Variants in MUC5B observed in about 807,000 individuals in gnomAD.
MUC5B encodes the protein mucin 5B, oligomeric mucus/gel-forming.
Under a neutral mutation model 376.9 loss-of-function variants are expected in MUC5B, and 116 were observed. That is an observed-to-expected ratio of 0.31 (90% CI 0.26 to 0.36). The LOEUF is 0.36. Ranked by LOEUF, MUC5B falls within the 10% of genes least tolerant of loss-of-function variation. The pLI, the probability that MUC5B is intolerant of heterozygous loss-of-function variation, is 1.00. For synonymous variants in MUC5B, 3,517 were observed against 3,390.9 expected (o/e 1.04, Z -1.29); for missense variants, 7,165 against 7,769.9 (o/e 0.92, Z 2.93).
chr11:1,235,151 G>C lies in MUC5B; in HGVS notation c.2697G>C (p.Gly899=). 1.2e-6 allele frequency: 2 copies of C among 1,613,020 alleles called. No individual in the cohort carries two copies. The highest frequency in any genetic ancestry group is 1.7e-6 in the Non-Finnish European group (2 of 1,179,726). Residue 899 remains glycine (G), a synonymous_variant, in exon 22 of 49, where the codon GGG becomes GGC. Coordinates refer to ENST00000529681, the MANE Select transcript of MUC5B (RefSeq NM_002458.3). The part of the protein sequence containing the change: ...RLCLGTCVAY[G]DGHFITFDGD... ...GCCTGGGCACCTGCGTGGCCTACGG[G>C]GATGGCCACTTCATCACCTTTGATG...
chr11:1,225,710 G>A lies in MUC5B; in HGVS notation c.100G>A (p.Glu34Lys). The A allele has an allele frequency of 6.2e-7, 1 of 1,606,912 alleles. No individual in the cohort carries two copies. The highest frequency in any genetic ancestry group is 8.5e-7 in the Non-Finnish European group (1 of 1,177,322). The change falls in exon 2 of 49, where the codon GAG becomes AAG. Residue 34 changes from glutamate (E) to lysine (K), a missense_variant. Transcript: ENST00000529681. ...CCAGGGCCCTGTGGAGCCGAGCTGG[G>A]AGAATGCAGGGCACACCATGGATGG... ...ETQGPVEPSW[E>K]NAGHTMDGGA...
rs545880372 is a variant in MUC5B at position 1,251,279 on chromosome 11, C to A, written c.14399C>A (p.Thr4800Lys). The A allele has an allele frequency of 1.2e-6, 2 of 1,611,530 alleles. No individual in the cohort carries two copies. The highest frequency in any genetic ancestry group is 1.7e-5 in the Admixed American group (1 of 59,986). Residue 4800 changes from threonine (T) to lysine (K), a missense_variant, in exon 31 of 49, where the codon ACA (threonine) becomes AAA (lysine). Physicochemically the swap from Thr to Lys is moderately conservative, Grantham distance 78. This residue lies in a region of MUC5B where 730 missense variants were observed against 592.7 expected (regional missense o/e 1.23). Transcript: ENST00000529681. Reference sequence around the variant, plus strand: ...GTGCTGACCACCACAGCCACCATGACAAGGGCCACCAATTCCACGGCCACA... The same window carrying A: ...GTGCTGACCACCACAGCCACCATGAAAAGGGCCACCAATTCCACGGCCACA... ...STVLTTTATM[T>K]RATNSTATPS...
In MUC5B at chr11:1,234,889, G is replaced by A. The variant is rs1862120894; in HGVS notation, c.2631-196G>A. Among the ~76,000 whole-genome samples, 1 of 152,134 alleles carries A rather than the reference G, an allele frequency of 6.6e-6. No homozygotes were observed. Among genetic ancestry groups the A allele is most frequent in the Admixed American group, 6.5e-5 (1 of 15,284 alleles). On this transcript the variant is annotated intron_variant, in intron 21 of 48. Transcript: ENST00000529681. This position sits in a 1 kb window ranked among gnomAD's most constrained non-coding sequence, Gnocchi z 6.3. The stretch of plus-strand genomic sequence containing the variant: ...CTCTGGAAGGTGGCCCAGGGGCCGT[G>A]GTGCTACCAGGAGCCTGGTGGGGCT...
chr11:1,231,635 G>T, intron 14 of MUC5B, 75 bp downstream of exon 14: 1 of 1,482,226 alleles, frequency 6.7e-7, no homozygotes, highest in South Asian at 1.3e-5. Context: ...CTGCAGGGAG[G>T]GGCAGGCAGA....
chr11:1,239,504 C>A lies in MUC5B; in HGVS notation c.3521C>A (p.Pro1174His). The change falls in exon 27 of 49, where the codon CCC (proline) becomes CAC (histidine). Residue 1174 changes from proline to histidine, a missense_variant. Pro to His is a moderately conservative substitution (Grantham distance 77). Around this residue, in one of 31 missense-constraint regions of MUC5B, gnomAD observed 517 missense variants for 545.3 expected, o/e 0.95. Transcript: ENST00000529681. ...TGGCACTACCAGCCCTGCGGGGCAC[C>A]CTGCCTAAAAACCTGCCGGAACCCC... ...CEWHYQPCGA[P>H]CLKTCRNPSG... is the part of the protein sequence containing the mutation. The A allele has an allele frequency of 6.2e-7, 1 of 1,605,386 alleles. No homozygotes were observed. The highest frequency in any genetic ancestry group is 1.1e-5 in the South Asian group (1 of 90,442).
Position 1,237,039 on chromosome 11 carries a change from T to C in MUC5B, c.3172T>C (p.Ser1058Pro). The change falls in exon 25 of 49, where the codon TCC becomes CCC. Residue 1058 changes from serine (S) to proline (P), a missense_variant. Physicochemically the swap from Ser to Pro is moderately conservative, Grantham distance 74. Coordinates refer to ENST00000529681, the MANE Select transcript of MUC5B (RefSeq NM_002458.3). ...GGAGTTTGGGAACAGCTGGAAGCTC[T>C]CCCCCTCCTGCCCGGACGCCCTGGC... The part of the protein sequence containing the change: ...ALEFGNSWKL[S>P]PSCPDALAPK... 1.9e-6 allele frequency: 3 copies of C among 1,575,570 alleles called. No individual in the cohort carries two copies. The highest frequency in any genetic ancestry group is 1.4e-5 in the African/African-American group (1 of 73,570).
intron 32 of MUC5B, 118 bp from the exon 33 acceptor site, chr11:1,252,691 G>A (rs995804079): frequency 3.2e-5 from 46 of 1,415,666 alleles, no homozygotes; most frequent in East Asian, 1.2e-4. Flanking sequence ...CATGGGGGCC[G>A]CCCTCCTCAG....
chr11:1,260,236 C>T, intron 46 of MUC5B, 115 bp from the exon 47 acceptor site: 2 of 1,335,672 alleles, frequency 1.5e-6, no homozygotes, highest in Non-Finnish European at 2.1e-6. Context: ...GCCTGGGAGG[C>T]CCCGCCCCTG....
At chr11:1,260,327 C>A (rs768903752) in intron 46 of MUC5B, 24 bp from the exon 47 acceptor site, 10 of 1,610,894 alleles carry the variant, frequency 6.2e-6, no homozygotes, top group Non-Finnish European at 8.5e-6. Flanking sequence ...CACAGCCCTG[C>A]CCCCTGTCTT....
rs1348172247 is a variant in MUC5B, at chr11:1,246,256, T to A, written c.9376T>A (p.Ser3126Thr). ...TRATSSMSTP[S>T]STPGTTWILT... ...GGCCACCAGTTCCATGTCCACCCCC[T>A]CCTCCACTCCGGGGACGACCTGGAT... Residue 3126 changes from serine to threonine, a missense_variant, in exon 31 of 49, where the codon TCC (serine) becomes ACC (threonine). Transcript: ENST00000529681. 13 of 1,609,560 alleles carry A rather than the reference T, an allele frequency of 8.1e-6. No individual in the cohort carries two copies. Among genetic ancestry groups the A allele is most frequent in the Non-Finnish European group, 1.0e-5 (12 of 1,178,654 alleles).
At position 1,239,715 on chromosome 11, in the gene MUC5B, G is replaced by T. The variant is rs1409023483; in HGVS notation, c.3584-84G>T. ...GCAGGCCCCTGCTGGCTGGTGGGGGGCGGCTACTCCCTGCAGCATGGAGCC... is the reference window on the plus strand; with the variant it reads ...GCAGGCCCCTGCTGGCTGGTGGGGGTCGGCTACTCCCTGCAGCATGGAGCC... On this transcript the variant is annotated intron_variant, in intron 27 of 48. Transcript: ENST00000529681. 25 of 1,500,332 alleles carry T rather than the reference G, an allele frequency of 1.7e-5. 1 individual carries two copies. The African/African-American group carries it at 3.0e-4, about 18-fold the overall frequency. The allele number at this position is 1,500,332 out of a possible 1,614,324, so 92.9% of individuals were successfully genotyped here.
rs1233608315 is a variant in MUC5B at position 1,243,825 on chromosome 11, G to A, written c.6945G>A (p.Glu2315=). The A allele has an allele frequency of 6.2e-7, 1 of 1,611,528 alleles. No homozygotes were observed. Among genetic ancestry groups the A allele is most frequent in the Non-Finnish European group, 8.5e-7 (1 of 1,179,596 alleles). ...CCACGGTGGTGACCATGGGCTGTGA[G>A]CCCCAGTGTGCCTGGTCAGAGTGGC... is the stretch of plus-strand genomic sequence containing the variant. The part of the protein sequence containing the change: ...PITTVVTMGC[E]PQCAWSEWLD... The change falls in exon 31 of 49, where the codon GAG becomes GAA. Residue 2315 remains glutamate (E), a synonymous_variant. Transcript: ENST00000529681.
intron 3 of MUC5B, 44 bp from the exon 4 acceptor site, chr11:1,226,571 G>T (rs756741044): frequency 1.8e-5 from 28 of 1,577,206 alleles, no homozygotes; most frequent in East Asian, 4.7e-5. Context: ...GCTACCCCGT[G>T]GGGGGCTGGC....
Position 1,246,652 on chromosome 11 carries a change from C to A in MUC5B, c.9772C>A (p.Pro3258Thr). The change falls in exon 31 of 49, where the codon CCC (proline) becomes ACC (threonine). Residue 3258 changes from proline to threonine, a missense_variant. By Grantham distance (38) the Pro-to-Thr change is conservative. This residue lies in a region of MUC5B where 939 missense variants were observed against 770.6 expected (regional missense o/e 1.22). Transcript: ENST00000529681. The part of the protein sequence containing the change: ...AWTRLSQTTT[P>T]TATMSTATPS... ...GACCCGCCTATCACAGACCACCACA[C>A]CCACGGCCACCATGTCCACAGCCAC... 1 of 1,612,342 alleles carries A rather than the reference C, an allele frequency of 6.2e-7. No individual in the cohort carries two copies.
chr11:1,234,645 G>C lies in MUC5B; in HGVS notation c.2595G>C (p.Lys865Asn), dbSNP rs777643988. 5.2e-6 allele frequency: 8 copies of C among 1,550,062 alleles called. No individual in the cohort carries two copies. The highest frequency in any genetic ancestry group is 6.1e-6 in the Non-Finnish European group (7 of 1,147,192). ...CPCVHNEATY[K>N]PGETIRVDCN... ...GTGTGCACAACGAGGCCACCTACAA[G>C]CCTGGAGAGACCATCAGGGTCGACT... The change falls in exon 21 of 49, where the codon AAG becomes AAC. Residue 865 changes from lysine (K) to asparagine (N), a missense_variant. This residue lies in a region of MUC5B where 530 missense variants were observed against 604.0 expected (regional missense o/e 0.88). Coordinates refer to ENST00000529681, the MANE Select transcript of MUC5B (RefSeq NM_002458.3). This position sits in a 1 kb window ranked among gnomAD's most constrained non-coding sequence, Gnocchi z 6.3.
chr11:1,240,475 C>A, intron 30 of MUC5B, 100 bp downstream of exon 30: 2 of 1,131,596 alleles, frequency 1.8e-6, no homozygotes, highest in Non-Finnish European at 2.5e-6. Flanking sequence ...AGCGACAGTC[C>A]CAATCCACTG....
Position 1,244,650 on chromosome 11 carries a change from C to A in MUC5B, c.7770C>A (p.Thr2590=), listed in dbSNP as rs773991700. The A allele has an allele frequency of 6.2e-7, 1 of 1,613,502 alleles. No homozygotes were observed. Among genetic ancestry groups the A allele is most frequent in the South Asian group, 1.1e-5 (1 of 91,050 alleles). Residue 2590 remains threonine (T), a synonymous_variant, in exon 31 of 49, where the codon ACC becomes ACA. Coordinates refer to ENST00000529681, the MANE Select transcript of MUC5B (RefSeq NM_002458.3). ...LTTTATTTGA[T]GSVATPSSTP... ...CCACGGCCACCACAACCGGGGCCAC[C>A]GGCTCTGTGGCCACCCCCTCCTCCA...
In MUC5B at chr11:1,249,781, A is replaced by T. The variant is rs200329857; in HGVS notation, c.12901A>T (p.Ser4301Cys). ...ATSSKATSSS[S>C]PRTATTLPVL... ...CAGTTCCAAAGCCACTTCCTCCTCC[A>T]GTCCAAGGACTGCAACCACCCTTCC... Residue 4301 changes from serine to cysteine, a missense_variant, in exon 31 of 49, where the codon AGT becomes TGT. This residue lies in a region of MUC5B where 431 missense variants were observed against 390.4 expected (regional missense o/e 1.10). Coordinates refer to ENST00000529681, the MANE Select transcript of MUC5B (RefSeq NM_002458.3). The T allele has an allele frequency of 1.1e-4, 173 of 1,613,210 alleles. 4 individuals are homozygous for T. The Middle Eastern group carries it at 0.011, about 102-fold the overall frequency.
chr11:1,231,591 G>T, intron 14 of MUC5B, 31 bp downstream of exon 14: 1 of 1,545,580 alleles, frequency 6.5e-7, no homozygotes, highest in Non-Finnish European at 8.7e-7. Context: ...TCGGGGACAG[G>T]GCCATTGGGG....
Sources: allele counts gnomAD v4.1 joint callset (sites outside exome capture counted in the v4.1 genomes callset), GRCh38; gene constraint gnomAD v4.1.1; regional missense constraint gnomAD v4.1.1; non-coding constraint Gnocchi (gnomAD v3.1); transcripts MANE v1.5; gene names NCBI Gene and HGNC (gene_info 2026-07-23, HGNC 2026-07-21).